RANBP17: variants seen among roughly 807,000 people sequenced by gnomAD.
The protein encoded by RANBP17 is ran-binding protein 17.
In RANBP17, 158 loss-of-function variants were observed where a neutral mutation model predicts 141.2. The observed-to-expected ratio is 1.12, with a 90% CI of 0.98 to 1.28. RANBP17 has a LOEUF of 1.28. Ranked by LOEUF, RANBP17 falls within the 50% of genes most tolerant of loss-of-function variation. The pLI is 0.00. For missense variants in RANBP17, 1,438 were observed against 1,290.7 expected, an observed-to-expected ratio of 1.11 and a Z score of -1.75; for synonymous variants, 430 against 450.0, an observed-to-expected ratio of 0.96 and a Z score of 0.56.
At chr5:170,901,735 G>A (rs1770651030) in intron 5 of RANBP17, among the ~76,000 whole-genome samples, 1 of 152,208 alleles carries the variant, frequency 6.6e-6, no homozygotes. Context: ...AAATCTCTGA[G>A]CATTTGCTTG....
At chr5:171,062,670 A>G (rs1372498855) in intron 14 of RANBP17, among the ~76,000 whole-genome samples, 12 of 151,698 alleles carry the variant, frequency 7.9e-5, no homozygotes, top group African/African-American at 2.9e-4. Context: ...GTATCTTTGT[A>G]GCGTTCTCTG....
At chr5:170,925,753 A>T (rs1367015744) in intron 12 of RANBP17, among the ~76,000 whole-genome samples, 2 of 151,188 alleles carry the variant, frequency 1.3e-5, no homozygotes, top group African/African-American at 2.4e-5. Flanking sequence ...AAAATAATAC[A>T]TGATATTGCA....
Position 170,885,868 on chromosome 5 carries a change from C to CTTT in RANBP17, c.256+3985_256+3987dup, listed in dbSNP as rs33975152. Among the ~76,000 whole-genome samples, 32 of 139,406 alleles carry CTTT rather than the reference C, an allele frequency of 2.3e-4. 1 individual carries two copies. Among genetic ancestry groups the CTTT allele is most frequent in the African/African-American group, 7.6e-4 (29 of 38,270 alleles). 91.5% of individuals were successfully genotyped at this position (139,406 alleles called of 152,430 possible). ...TATCTTGAAACCCTTCACTCTCCAC[C>CTTT]TTTTTTTTTTTTTTTGCCACATCCA... On this transcript the variant is annotated intron_variant, in intron 3 of 27. Transcript: ENST00000523189.
chr5:171,028,075 A>G (rs895819566), intron 14 of RANBP17, among the ~76,000 whole-genome samples: 3 of 152,072 alleles, frequency 2.0e-5, no homozygotes, highest in Admixed American at 6.6e-5. Flanking sequence ...AGGCTTTCCC[A>G]TGAAGGAAAA....
chr5:171,192,523 G>A (rs1761717518), intron 18 of RANBP17, among the ~76,000 whole-genome samples: 1 of 152,100 alleles, frequency 6.6e-6, no homozygotes, highest in African/African-American at 2.4e-5. Flanking sequence ...TGGTTCCCTA[G>A]GGAGAAGAAT....
In RANBP17 at chr5:171,205,628, T is replaced by A. The variant is rs1335583881; in HGVS notation, c.2231+16T>A. On this transcript the variant is annotated intron_variant, in intron 20 of 27. Transcript: ENST00000523189. Reference sequence around the variant, plus strand: ...TTGACTGGATGTATCCTTATTACACTGTGACAATACCAGCTCTGTGCACAG... The same window carrying A: ...TTGACTGGATGTATCCTTATTACACAGTGACAATACCAGCTCTGTGCACAG... 1 of 1,594,360 alleles carries A rather than the reference T, an allele frequency of 6.3e-7. No homozygotes were observed. Among genetic ancestry groups the A allele is most frequent in the African/African-American group, 1.3e-5 (1 of 74,548 alleles).
intron 25 of RANBP17, among the ~76,000 whole-genome samples, chr5:171,276,918 TAAAAAAAAAA>T (rs149425836): frequency 1.2e-5 from 1 of 82,236 alleles, no homozygotes; most frequent in South Asian, 5.5e-4. Flanking sequence ...AAATGTATCT[TAAAAAAAAAA>T]AAAAAAAAAA....
chr5:171,146,345 AC>A (rs1244466995), intron 14 of RANBP17, among the ~76,000 whole-genome samples: 1 of 152,246 alleles, frequency 6.6e-6, no homozygotes, highest in Non-Finnish European at 1.5e-5. Flanking sequence ...TGTGACTTCT[AC>A]GTGCCAGTAT....
chr5:170,894,210 CCCCCTTTTGTCTTT>C (rs1177656631), intron 4 of RANBP17, among the ~76,000 whole-genome samples: 1 of 152,082 alleles, frequency 6.6e-6, no homozygotes, highest in Non-Finnish European at 1.5e-5. Flanking sequence ...ACAGTAGCAT[CCCCCTTTTGTCTTT>C]TACTAAGATT....
At chr5:171,115,761 A>C (rs1755576472) in intron 14 of RANBP17, among the ~76,000 whole-genome samples, 1 of 152,236 alleles carries the variant, frequency 6.6e-6, no homozygotes, top group South Asian at 2.1e-4. Context: ...TCGTTAGCTT[A>C]GAATTCATAG....
At chr5:170,920,957 T>C (rs1261934429) in intron 11 of RANBP17, among the ~76,000 whole-genome samples, 2 of 152,186 alleles carry the variant, frequency 1.3e-5, no homozygotes, top group East Asian at 3.9e-4. Context: ...TTCTTGTAAA[T>C]TTGTTTAAGT....
chr5:170,999,822 T>C (rs1175408586), intron 14 of RANBP17, among the ~76,000 whole-genome samples: 1 of 152,172 alleles, frequency 6.6e-6, no homozygotes, highest in East Asian at 1.9e-4. Flanking sequence ...CATATTGTTG[T>C]GCAACCATCA....
At chr5:171,295,433 G>A (rs1193702258) in intron 26 of RANBP17, among the ~76,000 whole-genome samples, 1 of 152,124 alleles carries the variant, frequency 6.6e-6, no homozygotes, top group Non-Finnish European at 1.5e-5. Context: ...TTTAAGGAGT[G>A]ACTCACTGAA....
chr5:170,874,226 A>G (rs918211169), intron 1 of RANBP17, among the ~76,000 whole-genome samples: 2 of 152,028 alleles, frequency 1.3e-5, no homozygotes, highest in Admixed American at 6.6e-5. Context: ...GTTCTTTTGT[A>G]TTTGCTGAGG....
At chr5:170,936,254 A>G (rs1033087384) in intron 12 of RANBP17, among the ~76,000 whole-genome samples, 4 of 152,094 alleles carry the variant, frequency 2.6e-5, no homozygotes, top group African/African-American at 4.8e-5. Context: ...GGGTGAGGCA[A>G]TGCCCCGCCG....
At chr5:170,950,110 A>T (rs1427150080) in intron 12 of RANBP17, among the ~76,000 whole-genome samples, 1 of 152,170 alleles carries the variant, frequency 6.6e-6, no homozygotes, top group Non-Finnish European at 1.5e-5. Context: ...GATGGATTAG[A>T]CTTAAGACCT....
At chr5:170,952,781 TTA>T (rs1775308156) in intron 12 of RANBP17, among the ~76,000 whole-genome samples, 1 of 152,078 alleles carries the variant, frequency 6.6e-6, no homozygotes, top group Non-Finnish European at 1.5e-5. Context: ...CAAGATAATT[TTA>T]TGTTGTTAAT....
chr5:171,178,836 T>G (rs917197553), intron 16 of RANBP17, among the ~76,000 whole-genome samples: 2 of 152,254 alleles, frequency 1.3e-5, no homozygotes, highest in African/African-American at 4.8e-5. Context: ...GAAGTGTCTG[T>G]TCCTATCCGT....
chr5:171,176,499 C>T (rs1760490506), intron 16 of RANBP17, among the ~76,000 whole-genome samples: 1 of 152,058 alleles, frequency 6.6e-6, no homozygotes, highest in Non-Finnish European at 1.5e-5. Context: ...ACAAATAAAA[C>T]ACAGACCCTG....
Sources: allele counts gnomAD v4.1 joint callset (sites outside exome capture counted in the v4.1 genomes callset), GRCh38; gene constraint gnomAD v4.1.1; transcripts MANE v1.5; gene names NCBI Gene and HGNC (gene_info 2026-07-23, HGNC 2026-07-21).